MLPH: variants seen among roughly 807,000 people sequenced by gnomAD.
MLPH encodes melanophilin.
In MLPH, 51 loss-of-function variants were observed where a neutral mutation model predicts 72.1. The observed-to-expected ratio is 0.71, with a 90% CI of 0.56 to 0.89. The LOEUF (loss-of-function observed/expected upper bound fraction) is 0.89. Among genes scored for constraint, MLPH ranks in the 40% least tolerant of loss-of-function variants. The pLI is 0.00. For missense variants in MLPH, 743 were observed against 759.9 expected (o/e 0.98, Z 0.26); for synonymous variants, 301 against 310.1 (o/e 0.97, Z 0.31).
At chr2:237,537,081 G>A (rs2080548179) in intron 9 of MLPH, among the ~76,000 whole-genome samples, 1 of 152,260 alleles carries the variant, frequency 6.6e-6, no homozygotes, top group South Asian at 2.1e-4. Flanking sequence ...TCCACCTTGA[G>A]GGGCTGGATC....
chr2:237,508,262 C>T (rs1006382221), intron 2 of MLPH, among the ~76,000 whole-genome samples: 23 of 151,956 alleles, frequency 1.5e-4, no homozygotes, highest in Non-Finnish European at 2.5e-4. Flanking sequence ...CAGGTGTCCA[C>T]CACTGTGCCT....
intron 14 of MLPH, among the ~76,000 whole-genome samples, chr2:237,550,737 C>T (rs2081020489): frequency 6.6e-6 from 1 of 152,028 alleles, no homozygotes; most frequent in Admixed American, 6.6e-5. Context: ...TTAGTAGAGA[C>T]GGGTTTTCAC....
At chr2:237,507,856 T>C (rs1179235003) in intron 2 of MLPH, among the ~76,000 whole-genome samples, 1 of 152,218 alleles carries the variant, frequency 6.6e-6, no homozygotes, top group African/African-American at 2.4e-5. Context: ...AGTTCATCTC[T>C]CTGTTGTTCT....
At chr2:237,520,762 C>T (rs539992619) in intron 6 of MLPH, among the ~76,000 whole-genome samples, 16 of 152,194 alleles carry the variant, frequency 1.1e-4, no homozygotes, top group African/African-American at 3.6e-4. Flanking sequence ...TGAGTAGATA[C>T]GGTAATGGAG....
At chr2:237,491,419 G>C (rs1425934894) in intron 1 of MLPH, among the ~76,000 whole-genome samples, 1 of 152,232 alleles carries the variant, frequency 6.6e-6, no homozygotes, top group Non-Finnish European at 1.5e-5. Context: ...GAGCTGGTCT[G>C]TCTGTAGCTG....
At chr2:237,500,986 T>C (rs1169626388) in intron 2 of MLPH, among the ~76,000 whole-genome samples, 1 of 151,950 alleles carries the variant, frequency 6.6e-6, no homozygotes, top group East Asian at 1.9e-4. Flanking sequence ...CTTAAAAATG[T>C]GGATCAGGTC....
rs78932235 is a variant in MLPH, at chr2:237,542,483, G to A, written c.1447-84G>A. On this transcript the variant is annotated intron_variant, in intron 11 of 15. Transcript: ENST00000264605. ...AAATTGGCTCCAGGACTGAGCTGGG[G>A]GCAGCTGCTCTTTCTGTCCATGACT... 5,513 of 1,123,624 alleles carry A rather than the reference G, an allele frequency of 4.9e-3. 171 individuals are homozygous for A. In the African/African-American group the frequency reaches 0.067, roughly 14 times the overall value. 69.6% of individuals were successfully genotyped at this position (1,123,624 alleles called of 1,614,324 possible).
intron 12 of MLPH, 74 bp downstream of exon 12, chr2:237,542,733 T>TG (rs1348893946): frequency 1.1e-5 from 6 of 555,886 alleles, no homozygotes; most frequent in South Asian, 2.0e-5. Context: ...CAGTGGTGAG[T>TG]GGGGGACAGT....
At chr2:237,489,879 A>G (rs6758249) in intron 1 of MLPH, among the ~76,000 whole-genome samples, 11,467 of 152,230 alleles carry the variant, frequency 0.075, 1,091 homozygotes, top group African/African-American at 0.22. Flanking sequence ...GGAATTCAGC[A>G]GTCTGGGCCT....
chr2:237,488,712 A>C (rs1324471172), intron 1 of MLPH, among the ~76,000 whole-genome samples: 1 of 152,180 alleles, frequency 6.6e-6, no homozygotes, highest in African/African-American at 2.4e-5. Flanking sequence ...TGAGTACGAC[A>C]TGAGTGACTC....
chr2:237,539,025 G>A (rs1217183818), intron 9 of MLPH, among the ~76,000 whole-genome samples: 6 of 152,306 alleles, frequency 3.9e-5, no homozygotes, highest in South Asian at 2.1e-4. Flanking sequence ...GAGACAGCCC[G>A]GCCAAGATGG....
intron 15 of MLPH, 83 bp downstream of exon 15, chr2:237,552,520 C>T: frequency 8.6e-7 from 1 of 1,163,966 alleles, no homozygotes; most frequent in Admixed American, 1.9e-5. Context: ...GTCTTCAGAG[C>T]AAAGAAAATG....
At position 237,552,405 on chromosome 2, in the gene MLPH, G is replaced by A. The variant is rs201605694; in HGVS notation, c.1744G>A (p.Ala582Thr). The A allele has an allele frequency of 3.0e-5, 48 of 1,613,974 alleles. No homozygotes were observed. In the Middle Eastern group the frequency reaches 6.6e-4, roughly 22 times the overall value. Residue 582 changes from alanine to threonine, a missense_variant, in exon 15 of 16, where the codon GCG (alanine) becomes ACG (threonine). Ala to Thr is a moderately conservative substitution (Grantham distance 58). Transcript: ENST00000264605. ...RGSLTQRNPN[A>T]RKGMASHTFA... ...CTCGCTGACACAGAGAAACCCCAAC[G>A]CGAGGAAAGGAATGGCCAGCCACAC...
intron 1 of MLPH, among the ~76,000 whole-genome samples, chr2:237,487,951 C>G (rs1237509505): frequency 6.6e-6 from 1 of 152,140 alleles, no homozygotes; most frequent in Non-Finnish European, 1.5e-5. Flanking sequence ...AGACAGACTC[C>G]CTGGGCCCAC....
chr2:237,526,843 C>T (rs1347881192), intron 7 of MLPH, among the ~76,000 whole-genome samples: 4 of 152,234 alleles, frequency 2.6e-5, no homozygotes, highest in Non-Finnish European at 5.9e-5. Flanking sequence ...AATAATGCAA[C>T]ATCCAATCTG....
intron 11 of MLPH, among the ~76,000 whole-genome samples, chr2:237,542,262 C>T (rs1383473982): frequency 1.3e-5 from 2 of 152,172 alleles, no homozygotes; most frequent in South Asian, 2.1e-4. Context: ...TTGCATGTCA[C>T]GGCCCCTCCT....
intron 2 of MLPH, among the ~76,000 whole-genome samples, chr2:237,496,590 C>T (rs920353708): frequency 2.0e-5 from 3 of 152,182 alleles, no homozygotes; most frequent in African/African-American, 7.2e-5. Context: ...GATGACCCTG[C>T]CTGGTGGGCC....
chr2:237,508,831 TC>T (rs1466101914), intron 2 of MLPH, among the ~76,000 whole-genome samples: 1 of 152,202 alleles, frequency 6.6e-6, no homozygotes, highest in Non-Finnish European at 1.5e-5. Flanking sequence ...GTCTCCTCTG[TC>T]CCTCTCATTG....
intron 12 of MLPH, among the ~76,000 whole-genome samples, chr2:237,543,460 G>A (rs1266228984): frequency 2.9e-5 from 1 of 34,036 alleles, no homozygotes; most frequent in East Asian, 1.0e-3. Context: ...TGAGTTGGGG[G>A]ACAGTGGTGA....
Sources: gnomAD v4.1 joint callset for allele counts (sites outside exome capture counted in the v4.1 genomes callset) on GRCh38, gnomAD v4.1.1 for gene constraint, MANE v1.5 for transcripts, NCBI Gene and HGNC (gene_info 2026-07-23, HGNC 2026-07-21) for gene names.